Variants in ATRNL1 observed in about 807,000 individuals in gnomAD.
ATRNL1 encodes the protein attractin-like protein 1.
Under a neutral mutation model 182.7 loss-of-function variants are expected in ATRNL1, and 95 were observed. The ratio of observed to expected loss-of-function variants is 0.52; its 90% CI spans 0.44 to 0.62. The LOEUF (loss-of-function observed/expected upper bound fraction) is 0.62. Ranked by LOEUF, ATRNL1 falls within the 20% of genes least tolerant of loss-of-function variation. The pLI is 0.00. For missense variants in ATRNL1, 1,471 were observed against 1,679.5 expected, an observed-to-expected ratio of 0.88 and a Z score of 2.17; for synonymous variants, 576 against 568.3, an observed-to-expected ratio of 1.01 and a Z score of -0.19.
Position 115,171,111 on chromosome 10 carries a change from C to T in ATRNL1, c.1167C>T (p.Asn389=), listed in dbSNP as rs1554885421. 9 of 1,601,066 alleles carry T rather than the reference C, an allele frequency of 5.6e-6. No individual in the cohort carries two copies. The highest frequency in any genetic ancestry group is 3.3e-4 in the Middle Eastern group (2 of 6,008). The change falls in exon 8 of 29, where the codon AAC becomes AAT. Residue 389 remains asparagine, a synonymous_variant. Coordinates refer to ENST00000355044, the MANE Select transcript of ATRNL1 (RefSeq NM_207303.4). ...TCACAGATGAATTATGGGTTTTTAA[C>T]ATACATAGTCAGTCATGGAGTACAA... ...GNVTDELWVF[N]IHSQSWSTKT... is the part of the protein sequence containing the mutation.
intron 28 of ATRNL1, among the ~76,000 whole-genome samples, chr10:115,884,009 T>C (rs1474059624): frequency 6.6e-6 from 1 of 152,190 alleles, no homozygotes; most frequent in African/African-American, 2.4e-5. Context: ...CAGGAAAGAA[T>C]TGCGTGCATT....
chr10:115,263,543 C>G (rs993152624), intron 10 of ATRNL1, among the ~76,000 whole-genome samples: 9 of 151,770 alleles, frequency 5.9e-5, no homozygotes, highest in African/African-American at 2.2e-4. Flanking sequence ...TTCTTCATTT[C>G]TAACATAGGG....
At chr10:115,628,147 AAAAAAAAAAAAAAG>A (rs1431613670) in intron 26 of ATRNL1, among the ~76,000 whole-genome samples, 4 of 100,274 alleles carry the variant, frequency 4.0e-5, no homozygotes, top group African/African-American at 1.2e-4. Flanking sequence ...ACTCTGTCTC[AAAAAAAAAAAAAAG>A]AAAGAAAAAA....
intron 26 of ATRNL1, among the ~76,000 whole-genome samples, chr10:115,703,545 A>G (rs1174350154): frequency 1.3e-5 from 2 of 151,880 alleles, no homozygotes; most frequent in Non-Finnish European, 2.9e-5. Flanking sequence ...GAAGTAGCAC[A>G]TAGGTTGATG....
At chr10:115,100,117 C>T (rs1372477996) in intron 1 of ATRNL1, among the ~76,000 whole-genome samples, 3 of 152,080 alleles carry the variant, frequency 2.0e-5, no homozygotes, top group Non-Finnish European at 4.4e-5. Context: ...CAAGGCAAGA[C>T]ACTGCCTATA....
At chr10:115,443,142 T>A (rs1554966054) in intron 21 of ATRNL1, among the ~76,000 whole-genome samples, 1 of 152,064 alleles carries the variant, frequency 6.6e-6, no homozygotes, top group African/African-American at 2.4e-5. Flanking sequence ...TCTATTGATG[T>A]AAAAGAAAAG....
At chr10:115,362,196 T>G (rs1160033676) in intron 19 of ATRNL1, among the ~76,000 whole-genome samples, 2 of 152,056 alleles carry the variant, frequency 1.3e-5, no homozygotes, top group Non-Finnish European at 2.9e-5. Flanking sequence ...GATATTGATA[T>G]CAGCATTTCA....
At chr10:115,732,610 A>G (rs1485413525) in intron 27 of ATRNL1, among the ~76,000 whole-genome samples, 1 of 151,924 alleles carries the variant, frequency 6.6e-6, no homozygotes. Flanking sequence ...TTTTTTTTCT[A>G]TTTACTATTG....
At chr10:115,215,132 A>G (rs934132562) in intron 8 of ATRNL1, among the ~76,000 whole-genome samples, 3 of 152,178 alleles carry the variant, frequency 2.0e-5, no homozygotes, top group Admixed American at 6.6e-5. Flanking sequence ...TAGTACTCCC[A>G]TTGGTGGAAC....
At chr10:115,460,046 G>A (rs782479687) in intron 21 of ATRNL1, among the ~76,000 whole-genome samples, 1 of 152,106 alleles carries the variant, frequency 6.6e-6, no homozygotes, top group Non-Finnish European at 1.5e-5. Context: ...GATGTCTATA[G>A]CACTAAATTC....
intron 26 of ATRNL1, among the ~76,000 whole-genome samples, chr10:115,688,838 T>A (rs958620247): frequency 2.0e-5 from 3 of 152,132 alleles, no homozygotes; most frequent in Non-Finnish European, 4.4e-5. Context: ...TTTTTATGAT[T>A]GTGCTTTTGA....
chr10:115,619,425 CT>C (rs1242721973), intron 26 of ATRNL1, among the ~76,000 whole-genome samples: 2 of 151,724 alleles, frequency 1.3e-5, no homozygotes, highest in African/African-American at 4.8e-5. Context: ...CCTGAGCAAA[CT>C]GATTCTCAGG....
intron 19 of ATRNL1, among the ~76,000 whole-genome samples, chr10:115,368,378 C>T (rs181345725): frequency 2.2e-3 from 335 of 152,366 alleles, no homozygotes; most frequent in East Asian, 0.01. Flanking sequence ...CGCCCTGCTT[C>T]GGCTCGCGCA....
chr10:115,286,298 A>G lies in ATRNL1; in HGVS notation c.2316A>G (p.Ala772=), dbSNP rs1354257084. ...VNSSRENYDN[A]KLYCYNLSGN... ...CCAGTAGAGAAAACTATGACAATGC[A>G]AAACTTTATTGCTATAATCTTAGTG... The change falls in exon 15 of 29, where the codon GCA becomes GCG. Residue 772 remains alanine (A), a synonymous_variant. Coordinates refer to ENST00000355044, the MANE Select transcript of ATRNL1 (RefSeq NM_207303.4). 1.9e-6 allele frequency: 3 copies of G among 1,602,410 alleles called. No homozygotes were observed. The African/African-American group carries it at 4.0e-5, about 21-fold the overall frequency.
In ATRNL1 at chr10:115,516,372, C is replaced by G. The variant is rs1166459006; in HGVS notation, c.3655-2891C>G. Among the ~76,000 whole-genome samples the G allele has an allele frequency of 2.0e-5, 3 of 151,764 alleles. No homozygotes were observed. The East Asian group carries it at 5.8e-4, about 29-fold the overall frequency. ...TCTAATCCTTCAGCACGTCTCCTCA[C>G]TTCTCTCTCTAAATTATGTACCTAA... On this transcript the variant is annotated intron_variant, in intron 24 of 28. Transcript: ENST00000355044.
At chr10:115,239,221 ATTATTTTATT>A (rs1322257514) in intron 9 of ATRNL1, among the ~76,000 whole-genome samples, 13 of 151,868 alleles carry the variant, frequency 8.6e-5, no homozygotes, top group Admixed American at 5.3e-4. Flanking sequence ...GAGACTAGAG[ATTATTTTATT>A]TTATTTTATT....
intron 14 of ATRNL1, among the ~76,000 whole-genome samples, chr10:115,283,530 C>T (rs115684425): frequency 3.4e-4 from 52 of 152,250 alleles, no homozygotes; most frequent in African/African-American, 1.2e-3. Context: ...CATGTGTGCT[C>T]ATTTTGAGAA....
chr10:115,553,526 A>T (rs1202919846), intron 26 of ATRNL1, among the ~76,000 whole-genome samples: 1 of 151,400 alleles, frequency 6.6e-6, no homozygotes. Flanking sequence ...GAAATTTTGG[A>T]GGATAAGACA....
chr10:115,783,999 G>A (rs1442949574), intron 27 of ATRNL1, among the ~76,000 whole-genome samples: 4 of 152,236 alleles, frequency 2.6e-5, no homozygotes, highest in South Asian at 2.1e-4. Flanking sequence ...GTGACAGAGC[G>A]AGACTCCATC....
Sources: gnomAD v4.1 joint callset for allele counts (sites outside exome capture counted in the v4.1 genomes callset) on GRCh38, gnomAD v4.1.1 for gene constraint, MANE v1.5 for transcripts, NCBI Gene and HGNC (gene_info 2026-07-23, HGNC 2026-07-21) for gene names.